TXLNB: variants seen among roughly 807,000 people sequenced by gnomAD.
TXLNB encodes the protein taxilin beta, also known as beta-taxilin.
TXLNB carries 37 observed loss-of-function variants against 57.4 expected under a neutral mutation model. That is an observed-to-expected ratio of 0.64 (90% CI 0.50 to 0.85). The LOEUF is 0.85. Ranked by LOEUF, TXLNB falls within the 40% of genes least tolerant of loss-of-function variation. The pLI, the probability that TXLNB is intolerant of heterozygous loss-of-function variation, is 0.00. For synonymous variants in TXLNB, 302 were observed against 309.6 expected (o/e 0.98, Z 0.26); for missense variants, 848 against 825.6 (o/e 1.03, Z -0.33).
At chr6:139,212,876 C>A in the TXLNB span, among the ~76,000 whole-genome samples, 1 of 152,060 alleles carries the variant, frequency 6.6e-6, no homozygotes. Flanking sequence ...TCAAAAGAGA[C>A]AAAGAAGGCC....
chr6:139,177,161 T>G, the TXLNB span: 1 of 720,526 alleles, frequency 1.4e-6, no homozygotes, highest in Non-Finnish European at 2.4e-6. The surrounding 1 kb of genome is among the most constrained non-coding windows in gnomAD (Gnocchi z 4.9). Flanking sequence ...TTATTACATA[T>G]CTTTTATAGG....
the TXLNB span, among the ~76,000 whole-genome samples, chr6:139,233,116 G>C: frequency 0.026 from 4,012 of 151,734 alleles, 76 homozygotes; most frequent in South Asian, 0.066. Flanking sequence ...CTCAAATCTG[G>C]TACCTATTAA....
the TXLNB span, among the ~76,000 whole-genome samples, chr6:139,323,199 C>T: frequency 6.6e-6 from 1 of 151,820 alleles, no homozygotes; most frequent in African/African-American, 2.4e-5. Flanking sequence ...AGGGATGGGG[C>T]TCAGTGTGTG....
the TXLNB span, among the ~76,000 whole-genome samples, chr6:139,162,952 C>T: frequency 1.3e-5 from 2 of 152,198 alleles, no homozygotes; most frequent in Non-Finnish European, 2.9e-5. Flanking sequence ...TTTCCCTGCC[C>T]TACAGTTACC....
At chr6:139,171,237 AAAGG>A in the TXLNB span, among the ~76,000 whole-genome samples, 5 of 152,200 alleles carry the variant, frequency 3.3e-5, no homozygotes, top group East Asian at 1.9e-4. Flanking sequence ...AAGAGAAAAA[AAAGG>A]AAGGAGGATA....
At chr6:139,161,835 G>A in the TXLNB span, among the ~76,000 whole-genome samples, 93 of 152,284 alleles carry the variant, frequency 6.1e-4, 1 homozygote, top group Non-Finnish European at 1.0e-3. Flanking sequence ...GAAGGATCAA[G>A]ATAAAAACAA....
At chr6:139,231,497 C>T in the TXLNB span, among the ~76,000 whole-genome samples, 1 of 152,096 alleles carries the variant, frequency 6.6e-6, no homozygotes, top group African/African-American at 2.4e-5. Context: ...AGAGAAGGCC[C>T]TCAATGTATG....
At chr6:139,228,444 T>G in the TXLNB span, among the ~76,000 whole-genome samples, 1 of 147,716 alleles carries the variant, frequency 6.8e-6, no homozygotes, top group South Asian at 2.1e-4. Context: ...GAGAATCACT[T>G]GAACCCAGGA....
At chr6:139,209,183 T>C in the TXLNB span, among the ~76,000 whole-genome samples, 185 of 152,248 alleles carry the variant, frequency 1.2e-3, no homozygotes, top group African/African-American at 4.2e-3. Context: ...ACTCAACCTC[T>C]TTTACAATAG....
Position 139,240,943 on chromosome 6 carries a change from G to C in TXLNB, c.*1583C>G, listed in dbSNP as rs1032376438. 1 of 152,248 alleles carries C rather than the reference G, an allele frequency of 6.6e-6. No homozygotes were observed. The highest frequency in any genetic ancestry group is 1.5e-5 in the Non-Finnish European group (1 of 68,036). The allele number at this position is 152,248 out of a possible 1,614,324, so 9.4% of individuals were successfully genotyped here. A position where few individuals can be genotyped will look rare whatever the true frequency, so the allele number is the denominator to read the frequency against. ...ACTTGAGTTCAACTTTCAAGATAGGGTTGGGTTAGACATTGTTTCTTTCTT... is the reference window on the plus strand; with the variant it reads ...ACTTGAGTTCAACTTTCAAGATAGGCTTGGGTTAGACATTGTTTCTTTCTT... On this transcript the variant is annotated 3_prime_UTR_variant, in exon 10 of 10. Coordinates refer to ENST00000358430, the MANE Select transcript of TXLNB (RefSeq NM_153235.4).
At chr6:139,172,649 C>T in the TXLNB span, among the ~76,000 whole-genome samples, 1 of 152,094 alleles carries the variant, frequency 6.6e-6, no homozygotes, top group Non-Finnish European at 1.5e-5. Flanking sequence ...CAATGTGTAG[C>T]AGAACTGAAA....
At position 139,242,741 on chromosome 6, in the gene TXLNB, C is replaced by T. The variant is rs757710174; in HGVS notation, c.1840G>A (p.Ala614Thr). ...WKPEAEASGQ[A>T]PQAPTEASLQ... Reference sequence around the variant, plus strand: ...GAGGCCTCGGTGGGAGCCTGTGGGGCCTGACCGGAAGCTTCTGCCTCTGGC... The same window carrying T: ...GAGGCCTCGGTGGGAGCCTGTGGGGTCTGACCGGAAGCTTCTGCCTCTGGC... The change falls in exon 10 of 10, where the codon GCC becomes ACC. Residue 614 changes from alanine (A) to threonine (T), a missense_variant. Physicochemically the swap from Ala to Thr is moderately conservative, Grantham distance 58. Coordinates refer to ENST00000358430, the MANE Select transcript of TXLNB (RefSeq NM_153235.4). The T allele has an allele frequency of 1.9e-6, 3 of 1,613,204 alleles. No homozygotes were observed. Among genetic ancestry groups the T allele is most frequent in the Non-Finnish European group, 2.5e-6 (3 of 1,179,742 alleles).
the TXLNB span, among the ~76,000 whole-genome samples, chr6:139,321,559 T>TA: frequency 1.3e-5 from 2 of 150,294 alleles, no homozygotes; most frequent in Non-Finnish European, 3.0e-5. Flanking sequence ...TTTTTTTTTT[T>TA]AATCTATGGA....
At position 139,242,766 on chromosome 6, in the gene TXLNB, C is replaced by T. The variant is rs769679040; in HGVS notation, c.1815G>A (p.Lys605=). 7 of 1,614,156 alleles carry T rather than the reference C, an allele frequency of 4.3e-6. No individual in the cohort carries two copies. The South Asian group carries it at 5.5e-5, about 13-fold the overall frequency. Residue 605 remains lysine, a synonymous_variant, in exon 10 of 10, where the codon AAG becomes AAA. Coordinates refer to ENST00000358430, the MANE Select transcript of TXLNB (RefSeq NM_153235.4). ...VGAQADQASW[K]PEAEASGQAP... ...CCTGACCGGAAGCTTCTGCCTCTGG[C>T]TTCCAGGACGCCTGATCAGCCTGTG...
chr6:139,244,334 G>A (rs149053390), intron 9 of TXLNB, among the ~76,000 whole-genome samples: 52 of 152,302 alleles, frequency 3.4e-4, no homozygotes, highest in African/African-American at 1.3e-3. Flanking sequence ...AAAGGGGACA[G>A]CTGCCCTGGG....
Position 139,276,939 on chromosome 6 carries a change from TG to T in TXLNB, c.425-19del. 1.9e-6 allele frequency: 3 copies of T among 1,562,628 alleles called. No homozygotes were observed. The highest frequency in any genetic ancestry group is 2.3e-5 in the East Asian group (1 of 44,176). The stretch of plus-strand genomic sequence containing the variant: ...TTCTTTGCCTTAAAAAAAAAAGACA[TG>T]AAAAAAATAAGTGTTGAATTTACAG... On this transcript the variant is annotated intron_variant, in intron 2 of 9. Transcript: ENST00000358430.
the TXLNB span, among the ~76,000 whole-genome samples, chr6:139,220,305 G>A: frequency 4.3e-4 from 65 of 152,146 alleles, no homozygotes; most frequent in Non-Finnish European, 7.9e-4. Context: ...AAGCCACCCC[G>A]TCTATGGTAT....
Position 139,244,601 on chromosome 6 carries a change from A to G in TXLNB, c.1260T>C (p.Ile420=), listed in dbSNP as rs767538491. 3.7e-6 allele frequency: 6 copies of G among 1,611,696 alleles called. No homozygotes were observed. Among genetic ancestry groups the G allele is most frequent in the Non-Finnish European group, 5.1e-6 (6 of 1,177,784 alleles). Reference sequence around the variant, plus strand: ...AAGGGAGAAACTTCCTCACCTCTTCAATCATGTCCAACAGAGCTTTGTTAC... The same window carrying G: ...AAGGGAGAAACTTCCTCACCTCTTCGATCATGTCCAACAGAGCTTTGTTAC... ...ENCNKALLDM[I]EEKALRAKEY... The change falls in exon 9 of 10, where the codon ATT becomes ATC. Residue 420 remains isoleucine, a synonymous_variant. Coordinates refer to ENST00000358430, the MANE Select transcript of TXLNB (RefSeq NM_153235.4).
At chr6:139,226,280 G>C in the TXLNB span, among the ~76,000 whole-genome samples, 1 of 109,028 alleles carries the variant, frequency 9.2e-6, no homozygotes, top group Non-Finnish European at 1.7e-5. Context: ...TCCAGACTGG[G>C]CCACAGAGTG....
Sources: gnomAD v4.1 joint callset for allele counts (sites outside exome capture counted in the v4.1 genomes callset) on GRCh38, gnomAD v4.1.1 for gene constraint, Gnocchi (gnomAD v3.1) non-coding constraint, MANE v1.5 for transcripts, NCBI Gene and HGNC (gene_info 2026-07-23, HGNC 2026-07-21) for gene names.